Variants in TNS1 observed in about 807,000 individuals in gnomAD.
TNS1 encodes the protein tensin-1.
Under a neutral mutation model 168.6 loss-of-function variants are expected in TNS1, and 62 were observed. That is an observed-to-expected ratio of 0.37 (90% CI 0.30 to 0.45). TNS1 has a LOEUF of 0.45. Among genes scored for constraint, TNS1 ranks in the 20% least tolerant of loss-of-function variants. The pLI, the probability that TNS1 is intolerant of heterozygous loss-of-function variation, is 1.00. For missense variants in TNS1, 2,240 were observed against 2,339.4 expected, an observed-to-expected ratio of 0.96 and a Z score of 0.88; for synonymous variants, 934 against 933.2, an observed-to-expected ratio of 1.00 and a Z score of -0.02.
rs138064979 is a variant in TNS1 at position 217,848,051 on chromosome 2, C to T, written c.2466G>A (p.Pro822=). ...CAATCTCCTGCTGGGAGGCTGCTCG[C>T]GGGAACTCAGGGAGACTGGGGATGG... ...ETPIPSLPEF[P]RAASQQEIEQ... Residue 822 remains proline, a synonymous_variant, in exon 19 of 33, where the codon CCG becomes CCA. Transcript: ENST00000682258. The T allele has an allele frequency of 5.5e-4, 844 of 1,529,088 alleles. 7 individuals are homozygous for T. In the African/African-American group the frequency reaches 0.01, roughly 18 times the overall value. The allele number at this position is 1,529,088 out of a possible 1,614,324, so 94.7% of individuals were successfully genotyped here.
At chr2:217,833,134 A>T (rs992232218) in intron 21 of TNS1, among the ~76,000 whole-genome samples, 1 of 152,246 alleles carries the variant, frequency 6.6e-6, no homozygotes, top group African/African-American at 2.4e-5. Context: ...AATAACCACG[A>T]AGCAGCCCCA....
At chr2:217,909,300 T>G (rs1288302455) in intron 4 of TNS1, among the ~76,000 whole-genome samples, 1 of 152,034 alleles carries the variant, frequency 6.6e-6, no homozygotes, top group Admixed American at 6.5e-5. Flanking sequence ...GGAACTGAGA[T>G]GCAAACCCAA....
In TNS1 at chr2:217,802,094, T is replaced by C. The variant is rs1399804838; in HGVS notation, c.*2365A>G. 1 of 152,220 alleles carries C rather than the reference T, an allele frequency of 6.6e-6. No individual in the cohort carries two copies. The highest frequency in any genetic ancestry group is 6.5e-5 in the Admixed American group (1 of 15,282). 9.4% of individuals were successfully genotyped at this position (152,220 alleles called of 1,614,324 possible). On this transcript the variant is annotated 3_prime_UTR_variant, in exon 33 of 33. Transcript: ENST00000682258. ...GTGGACAGAACATCCATGCCAGGAA[T>C]AGGCTCCTGGGCTCTCCAGTGGGAG...
intron 4 of TNS1, among the ~76,000 whole-genome samples, chr2:217,909,571 CCACACACACACA>C (rs3054350): frequency 6.8e-6 from 1 of 147,194 alleles, no homozygotes; most frequent in Admixed American, 6.7e-5. Context: ...GCCTGGGTGC[CCACACACACACA>C]CACACACACA....
intron 17 of TNS1, 78 bp from the exon 18 acceptor site, chr2:217,881,092 G>C (rs529530140): frequency 1.5e-4 from 162 of 1,071,976 alleles, no homozygotes; most frequent in South Asian, 1.5e-3. Context: ...TGGAAAAACA[G>C]AGAAAGCCCA....
chr2:218,011,205 G>A (rs1351264701), upstream of TNS1, among the ~76,000 whole-genome samples: 1 of 152,210 alleles, frequency 6.6e-6, no homozygotes, highest in Non-Finnish European at 1.5e-5. Context: ...GCCCTCTCAG[G>A]AATATTGTGT....
Position 217,818,526 on chromosome 2 carries a change from T to G in TNS1, c.3806A>C (p.Gln1269Pro), listed in dbSNP as rs748591890. The stretch of plus-strand genomic sequence containing the variant: ...CGTGTGGACGCCAGCCACACTGAAC[T>G]GAGCTCGAGCCTGGCTTTCCGGAGA... Reference protein sequence around the residue: ...SSSPESQARAQFSVAGVHTVP... With the variant: ...SSSPESQARAPFSVAGVHTVP... The change falls in exon 24 of 33, where the codon CAG becomes CCG. Residue 1269 changes from glutamine to proline, a missense_variant. By Grantham distance (76) the Gln-to-Pro change is moderately conservative. Around this residue, in one of 2 missense-constraint regions of TNS1, gnomAD observed 2,131 missense variants for 2,171.2 expected, o/e 0.98. Coordinates refer to ENST00000682258, the MANE Select transcript of TNS1 (RefSeq NM_001387777.1). 1 of 1,614,236 alleles carries G rather than the reference T, an allele frequency of 6.2e-7. No homozygotes were observed. The highest frequency in any genetic ancestry group is 8.5e-7 in the Non-Finnish European group (1 of 1,180,040).
intron 32 of TNS1, among the ~76,000 whole-genome samples, chr2:217,807,493 C>T (rs1939379223): frequency 6.6e-6 from 1 of 152,188 alleles, no homozygotes; most frequent in Non-Finnish European, 1.5e-5. Flanking sequence ...GCTATTTAGA[C>T]ATCTGTCTTA....
intron 22 of TNS1, chr2:217,830,481 C>A: frequency 6.8e-7 from 1 of 1,481,302 alleles, no homozygotes; most frequent in Non-Finnish European, 9.2e-7. Flanking sequence ...AGTGGCCCCA[C>A]ATGGCCACCA....
At chr2:217,885,931 C>A in intron 14 of TNS1, 112 bp from the exon 15 acceptor site, 1 of 1,555,438 alleles carries the variant, frequency 6.4e-7, no homozygotes, top group East Asian at 2.2e-5. Flanking sequence ...ACCTCTCTGA[C>A]TCTGTCCTTT....
At chr2:217,976,669 C>A (rs932237342) in intron 3 of TNS1, among the ~76,000 whole-genome samples, 149 of 152,348 alleles carry the variant, frequency 9.8e-4, no homozygotes, top group African/African-American at 3.2e-3. Context: ...AAAAAGTCAT[C>A]TTTGCCATTT....
chr2:218,021,487 C>T (rs1316965032), intron 1 of TNS1, among the ~76,000 whole-genome samples: 1 of 152,236 alleles, frequency 6.6e-6, no homozygotes, highest in Non-Finnish European at 1.5e-5. Context: ...GCTCATCACT[C>T]AATCTACAAC....
intron 2 of TNS1, among the ~76,000 whole-genome samples, chr2:217,989,889 C>T (rs1419327180): frequency 2.6e-5 from 4 of 152,074 alleles, no homozygotes; most frequent in African/African-American, 9.7e-5. Context: ...CTCCACACAG[C>T]TTCTACATAC....
intron 32 of TNS1, among the ~76,000 whole-genome samples, chr2:217,805,136 A>T (rs1271471600): frequency 1.3e-5 from 2 of 151,846 alleles, no homozygotes; most frequent in East Asian, 3.9e-4. Context: ...CTTGGAAGCC[A>T]GAAAATAAAA....
rs1939579426 is a variant in TNS1, at chr2:217,808,216, C to A, written c.5343-109G>T. ...GAAGGTCTGGGGAGAGGAGCTGCCC[C>A]CCATTCCCCCCTCATTCCCCCATTC... On this transcript the variant is annotated intron_variant, in intron 31 of 32. Transcript: ENST00000682258. 3 of 1,313,998 alleles carry A rather than the reference C, an allele frequency of 2.3e-6. No individual in the cohort carries two copies. In the South Asian group the frequency reaches 3.9e-5, roughly 17 times the overall value. The allele number at this position is 1,313,998 out of a possible 1,614,324, so 81.4% of individuals were successfully genotyped here. A position where few individuals can be genotyped will look rare whatever the true frequency, so the allele number is the denominator to read the frequency against.
At chr2:217,906,012 G>T (rs904188299) in intron 6 of TNS1, among the ~76,000 whole-genome samples, 1 of 152,158 alleles carries the variant, frequency 6.6e-6, no homozygotes, top group Non-Finnish European at 1.5e-5. Flanking sequence ...CTCAGCCCTC[G>T]GTTTCCCTTG....
chr2:217,946,994 C>CACACACAG (rs1447178928), intron 3 of TNS1, among the ~76,000 whole-genome samples: 2 of 151,010 alleles, frequency 1.3e-5, no homozygotes, highest in African/African-American at 4.9e-5. Context: ...CACACACACA[C>CACACACAG]AGTAAAAACT....
intron 3 of TNS1, among the ~76,000 whole-genome samples, chr2:217,938,333 G>A (rs1956736197): frequency 6.6e-6 from 1 of 152,178 alleles, no homozygotes; most frequent in Non-Finnish European, 1.5e-5. Context: ...AATGTCAGGG[G>A]CACCGGAAAA....
At chr2:217,830,524 A>C in intron 22 of TNS1, 6 of 1,046,706 alleles carry the variant, frequency 5.7e-6, no homozygotes, top group Non-Finnish European at 8.4e-6. Flanking sequence ...CCTCCACCAT[A>C]AGAAGGAGAG....
Sources: gnomAD v4.1 joint callset for allele counts (sites outside exome capture counted in the v4.1 genomes callset) on GRCh38, gnomAD v4.1.1 for gene constraint, gnomAD v4.1.1 regional missense constraint, MANE v1.5 for transcripts, NCBI Gene and HGNC (gene_info 2026-07-23, HGNC 2026-07-21) for gene names.